Variants in PHLDB1 observed in about 807,000 individuals in gnomAD.
PHLDB1 encodes pleckstrin homology like domain family B member 1, also known as pleckstrin homology-like domain family B member 1.
In PHLDB1, 65 loss-of-function variants were observed where a neutral mutation model predicts 139.3. The ratio of observed to expected loss-of-function variants is 0.47; its 90% confidence interval spans 0.38 to 0.57. PHLDB1 has a LOEUF of 0.57. PHLDB1 is among the 20% of genes least tolerant of loss of function. The probability of loss-of-function intolerance (pLI) is 0.00; values close to 1 mark genes in which losing one functional copy is unlikely to be tolerated. For missense variants in PHLDB1, 1,624 were observed against 1,839.7 expected, an observed-to-expected ratio of 0.88 and a Z score of 2.14; for synonymous variants, 679 against 734.5, an observed-to-expected ratio of 0.92 and a Z score of 1.22.
intron 3 of PHLDB1, chr11:118,615,674 TGAG>T (rs1438076416): frequency 5.2e-6 from 1 of 194,104 alleles, no homozygotes; most frequent in African/African-American, 2.3e-5. Flanking sequence ...TTAGAAGAAA[TGAG>T]GAGTAGGATG....
intron 4 of PHLDB1, chr11:118,624,590 C>CTTTATTT: frequency 7.5e-6 from 1 of 133,078 alleles, no homozygotes; most frequent in South Asian, 7.0e-5. Context: ...TTCTTCCTTT[C>CTTTATTT]TTTTTTTTTT....
chr11:118,648,129 A>G lies in PHLDB1; in HGVS notation c.3654+53A>G, dbSNP rs1947810995. 4.6e-6 allele frequency: 7 copies of G among 1,532,912 alleles called. 1 individual carries two copies. Among genetic ancestry groups the G allele is most frequent in the Non-Finnish European group, 6.3e-6 (7 of 1,115,558 alleles). The allele number at this position is 1,532,912 out of a possible 1,614,324, so 95.0% of individuals were successfully genotyped here. ...GTTGGTTTGACGGTGAGGGCTGTAG[A>G]GAAGTGGGGAGATCCCAGGGTTTCT... On this transcript the variant is annotated intron_variant, in intron 18 of 22. Transcript: ENST00000600882.
At chr11:118,607,290 A>C (rs1939347867), upstream of PHLDB1, among the ~76,000 whole-genome samples, 1 of 93,328 alleles carries the variant, frequency 1.1e-5, no homozygotes, top group South Asian at 3.9e-4. Context: ...AGGGTGGTCT[A>C]GGAGAGTCGG....
At position 118,628,753 on chromosome 11, in the gene PHLDB1, C is replaced by T. The variant is rs577396; in HGVS notation, c.1827+103C>T. On this transcript the variant is annotated intron_variant, in intron 6 of 22. Coordinates refer to ENST00000600882, the MANE Select transcript of PHLDB1 (RefSeq NM_001144758.3). ...CAGGAGAGGCCCTCAAACAGGGCTTCGGCTTCTCAAGGTTCCCCACCTCCA... is the reference window on the plus strand; with the variant it reads ...CAGGAGAGGCCCTCAAACAGGGCTTTGGCTTCTCAAGGTTCCCCACCTCCA... 4 of 1,139,568 alleles carry T rather than the reference C, an allele frequency of 3.5e-6. No individual in the cohort carries two copies. In the South Asian group the frequency reaches 4.6e-5, roughly 13 times the overall value. The allele number at this position is 1,139,568 out of a possible 1,614,324, so 70.6% of individuals were successfully genotyped here.
intron 10 of PHLDB1, among the ~76,000 whole-genome samples, chr11:118,638,501 G>A (rs868949818): frequency 6.6e-6 from 1 of 152,302 alleles, no homozygotes; most frequent in South Asian, 2.1e-4. Context: ...TTGAGAGAGT[G>A]GAAGCAAAGG....
intron 13 of PHLDB1, among the ~76,000 whole-genome samples, chr11:118,642,946 C>T (rs781991147): frequency 1.3e-5 from 2 of 152,244 alleles, no homozygotes; most frequent in Non-Finnish European, 2.9e-5. Context: ...CAGCAAGCAA[C>T]TGACCATGGG....
intron 3 of PHLDB1, 130 bp from the exon 4 acceptor site, chr11:118,615,911 G>T: frequency 1.4e-6 from 1 of 717,572 alleles, no homozygotes; most frequent in Non-Finnish European, 2.4e-6. Flanking sequence ...TAGTAGGGGT[G>T]GCCAGTGGTG....
rs1179588763 is a variant in PHLDB1, at chr11:118,608,105, C to T, written c.-22+406C>T. Among the ~76,000 whole-genome samples the T allele has an allele frequency of 1.3e-5, 2 of 152,210 alleles. No homozygotes were observed. Among genetic ancestry groups the T allele is most frequent in the African/African-American group, 4.8e-5 (2 of 41,550 alleles). Reference sequence around the variant, plus strand: ...CCTCCAGCGCCCCACACCTCCCCCTCTCCGCCCACAGCAGGACCTTGGGGC... The same window carrying T: ...CCTCCAGCGCCCCACACCTCCCCCTTTCCGCCCACAGCAGGACCTTGGGGC... On this transcript the variant is annotated intron_variant, in intron 1 of 22. Coordinates refer to ENST00000600882, the MANE Select transcript of PHLDB1 (RefSeq NM_001144758.3). The surrounding 1 kb of genome is among the most constrained non-coding windows in gnomAD (Gnocchi z 6.7).
At chr11:118,613,625 G>T in intron 1 of PHLDB1, 191 bp from the exon 2 acceptor site, 1 of 599,654 alleles carries the variant, frequency 1.7e-6, no homozygotes. Flanking sequence ...GTGGCTGGCT[G>T]GAGACTTGGC....
At chr11:118,644,036 T>A (rs1555124326) in intron 14 of PHLDB1, 36 bp from the exon 15 acceptor site, 1 of 1,609,144 alleles carries the variant, frequency 6.2e-7, no homozygotes, top group Admixed American at 1.7e-5. Flanking sequence ...GTAAGGGCCT[T>A]CTGAGCCCAG....
Position 118,620,905 on chromosome 11 carries a change from A to C in PHLDB1, c.356-4029A>C, listed in dbSNP as rs1251445021. ...CCAGTGACCTAGCTGGATCCTGTAG[A>C]GCCCCTGCTCTTTTCCTCTCCCTCT... On this transcript the variant is annotated intron_variant, in intron 4 of 22. Coordinates refer to ENST00000600882, the MANE Select transcript of PHLDB1 (RefSeq NM_001144758.3). The surrounding 1 kb of genome is among the most constrained non-coding windows in gnomAD (Gnocchi z 4.1). Among the ~76,000 whole-genome samples the C allele has an allele frequency of 6.6e-6, 1 of 152,140 alleles. No homozygotes were observed. The highest frequency in any genetic ancestry group is 2.4e-5 in the African/African-American group (1 of 41,426).
Position 118,632,103 on chromosome 11 carries a change from C to T in PHLDB1, c.2241+50C>T. ...ACTCTTCCCTAGGCCAACTGAAGGC[C>T]CCAGAGAGGGGCCACAGTCAGCTGC... On this transcript the variant is annotated intron_variant, in intron 8 of 22. Coordinates refer to ENST00000600882, the MANE Select transcript of PHLDB1 (RefSeq NM_001144758.3). The surrounding 1 kb of genome is among the most constrained non-coding windows in gnomAD (Gnocchi z 5.9). The T allele has an allele frequency of 1.9e-6, 3 of 1,613,744 alleles. No homozygotes were observed. The highest frequency in any genetic ancestry group is 2.5e-6 in the Non-Finnish European group (3 of 1,179,754).
Position 118,635,451 on chromosome 11 carries a change from T to C in PHLDB1, c.2438T>C (p.Leu813Ser), listed in dbSNP as rs782495107. 6.2e-7 allele frequency: 1 copy of C among 1,612,220 alleles called. No individual in the cohort carries two copies. The highest frequency in any genetic ancestry group is 1.1e-5 in the South Asian group (1 of 90,716). ...KLFEDLEFQQ[L>S]ERESRVEEER... is the part of the protein sequence containing the mutation. ...TTTGAGGACTTGGAGTTCCAGCAGT[T>C]GGAGCGGGAGAGCCGCGTGGAGGAG... is the stretch of plus-strand genomic sequence containing the variant. Residue 813 changes from leucine (L) to serine (S), a missense_variant, in exon 10 of 23, where the codon TTG (leucine) becomes TCG (serine). Transcript: ENST00000600882.
chr11:118,639,814 G>A (rs1421166805), intron 12 of PHLDB1: 1 of 988,652 alleles, frequency 1.0e-6, no homozygotes, highest in Non-Finnish European at 1.2e-6. Context: ...TGGGGAACTG[G>A]GCCAAGTGTG....
intron 17 of PHLDB1, chr11:118,647,666 T>TAA: frequency 3.2e-5 from 10 of 310,202 alleles, no homozygotes; most frequent in East Asian, 5.3e-5. Context: ...GTGAGCGAGA[T>TAA]AAAAAAAAAA....
intron 9 of PHLDB1, chr11:118,635,167 G>A: frequency 1.7e-6 from 1 of 593,810 alleles, no homozygotes; most frequent in Admixed American, 3.1e-5. Flanking sequence ...CACCAGGGTC[G>A]GTGCTGCGGT....
At chr11:118,629,280 G>A (rs115117191) in intron 6 of PHLDB1, among the ~76,000 whole-genome samples, 2,080 of 152,350 alleles carry the variant, frequency 0.014, 59 homozygotes, top group African/African-American at 0.046. Context: ...TGGCCTGACC[G>A]TTAGCCAGCC....
chr11:118,618,172 C>T (rs1301462192), intron 4 of PHLDB1, among the ~76,000 whole-genome samples: 1 of 152,174 alleles, frequency 6.6e-6, no homozygotes, highest in African/African-American at 2.4e-5. Flanking sequence ...TACCCTCCCA[C>T]TCTCTTCTGA....
In PHLDB1 at chr11:118,610,737, T is replaced by C. The variant is rs980994304; in HGVS notation, c.-22+3038T>C. On this transcript the variant is annotated intron_variant, in intron 1 of 22. Coordinates refer to ENST00000600882, the MANE Select transcript of PHLDB1 (RefSeq NM_001144758.3). The surrounding 1 kb of genome is among the most constrained non-coding windows in gnomAD (Gnocchi z 8.7). The stretch of plus-strand genomic sequence containing the variant: ...GGCCAAGACCCCCGAGAGTTCACTC[T>C]GGGTGCTCCACTCGGCGGAGAGGGC... Among the ~76,000 whole-genome samples, 1 of 152,042 alleles carries C rather than the reference T, an allele frequency of 6.6e-6. No homozygotes were observed. The highest frequency in any genetic ancestry group is 1.5e-5 in the Non-Finnish European group (1 of 67,978).
Sources: gnomAD v4.1 joint callset for allele counts (sites outside exome capture counted in the v4.1 genomes callset) on GRCh38, gnomAD v4.1.1 for gene constraint, Gnocchi (gnomAD v3.1) non-coding constraint, MANE v1.5 for transcripts, NCBI Gene and HGNC (gene_info 2026-07-23, HGNC 2026-07-21) for gene names.